DNAJC6: variants seen among roughly 807,000 people sequenced by gnomAD.
DNAJC6 encodes the protein auxilin.
Under a neutral mutation model 110.0 loss-of-function variants are expected in DNAJC6, and 34 were observed. The ratio of observed to expected loss-of-function variants is 0.31; its 90% confidence interval spans 0.24 to 0.41. DNAJC6 has a LOEUF of 0.41. Among genes scored for constraint, DNAJC6 ranks in the 10% least tolerant of loss-of-function variants. The pLI is 1.00. For missense variants in DNAJC6, 1,031 were observed against 1,207.8 expected (o/e 0.85, Z 2.17); for synonymous variants, 406 against 437.2 (o/e 0.93, Z 0.89).
intron 4 of DNAJC6, among the ~76,000 whole-genome samples, chr1:65,378,245 A>T (rs964441570): frequency 3.5e-5 from 5 of 143,322 alleles, no homozygotes; most frequent in African/African-American, 1.4e-4. Flanking sequence ...GGAGCCTGAA[A>T]GATCTTTGGA....
chr1:65,406,303 G>A (rs975270046), intron 16 of DNAJC6, among the ~76,000 whole-genome samples, 170 bp downstream of exon 16: 1 of 151,562 alleles, frequency 6.6e-6, no homozygotes, highest in Non-Finnish European at 1.5e-5. Context: ...CCCCAACGCT[G>A]TACCTGGAGG....
At chr1:65,347,550 TTATTG>T (rs1233273256) in intron 1 of DNAJC6, among the ~76,000 whole-genome samples, 1 of 152,118 alleles carries the variant, frequency 6.6e-6, no homozygotes, top group Non-Finnish European at 1.5e-5. Flanking sequence ...ATATATGATA[TTATTG>T]TGTAATGCAA....
intron 14 of DNAJC6, among the ~76,000 whole-genome samples, chr1:65,401,271 CT>C (rs1433904316): frequency 5.8e-4 from 88 of 152,202 alleles, no homozygotes; most frequent in African/African-American, 2.0e-3. Flanking sequence ...TGATTGTTAC[CT>C]TCCCTGAACA....
intron 1 of DNAJC6, among the ~76,000 whole-genome samples, chr1:65,270,922 G>A (rs536648873): frequency 2.0e-5 from 3 of 152,158 alleles, no homozygotes; most frequent in Admixed American, 6.5e-5. Flanking sequence ...CAAGTGATCC[G>A]CCACCTTTGG....
chr1:65,320,721 G>A (rs868285679), intron 1 of DNAJC6, among the ~76,000 whole-genome samples: 1 of 152,154 alleles, frequency 6.6e-6, no homozygotes, highest in African/African-American at 2.4e-5. Context: ...TAGTGCATGA[G>A]CAGTGAACAA....
chr1:65,283,696 G>A (rs1433966640), intron 1 of DNAJC6, among the ~76,000 whole-genome samples: 1 of 152,130 alleles, frequency 6.6e-6, no homozygotes, highest in South Asian at 2.1e-4. Flanking sequence ...GGATTGTATG[G>A]TAAGTCCATT....
At chr1:65,400,257 C>CTT (rs1557563361) in intron 14 of DNAJC6, among the ~76,000 whole-genome samples, 4 of 152,114 alleles carry the variant, frequency 2.6e-5, no homozygotes, top group Non-Finnish European at 4.4e-5. Flanking sequence ...TTGAAGTACA[C>CTT]ATACACTGTG....
chr1:65,405,049 T>A (rs1489275189), intron 15 of DNAJC6, among the ~76,000 whole-genome samples: 1 of 152,218 alleles, frequency 6.6e-6, no homozygotes, highest in African/African-American at 2.4e-5. Flanking sequence ...TCTTTGGACA[T>A]CAGCACATTT....
intron 1 of DNAJC6, among the ~76,000 whole-genome samples, chr1:65,270,292 G>GTA (rs906425315): frequency 2.4e-4 from 37 of 151,742 alleles, no homozygotes; most frequent in South Asian, 1.3e-3. Context: ...AAACGTATAT[G>GTA]TATATATATA....
chr1:65,283,473 T>C (rs1653916698), intron 1 of DNAJC6, among the ~76,000 whole-genome samples: 1 of 152,202 alleles, frequency 6.6e-6, no homozygotes, highest in African/African-American at 2.4e-5. Context: ...ATGTACAACA[T>C]GCACCAACAG....
intron 1 of DNAJC6, among the ~76,000 whole-genome samples, chr1:65,335,120 T>C (rs1557527421): frequency 6.6e-6 from 1 of 151,986 alleles, no homozygotes; most frequent in Admixed American, 6.5e-5. Context: ...TTTTTTTTTT[T>C]TTTCTTTAAA....
intron 4 of DNAJC6, among the ~76,000 whole-genome samples, chr1:65,378,461 T>G (rs578033900): frequency 1.2e-3 from 182 of 152,350 alleles, no homozygotes; most frequent in African/African-American, 4.1e-3. Flanking sequence ...AGCTAAGCTC[T>G]TGAAGTACAT....
intron 1 of DNAJC6, among the ~76,000 whole-genome samples, chr1:65,321,518 G>A (rs74351445): frequency 1.7e-4 from 26 of 152,148 alleles, no homozygotes; most frequent in African/African-American, 5.5e-4. Flanking sequence ...TTTTAAAGAC[G>A]ATTTTTTTTT....
intron 4 of DNAJC6, among the ~76,000 whole-genome samples, chr1:65,375,704 G>T (rs1357606922): frequency 6.6e-6 from 1 of 152,216 alleles, no homozygotes; most frequent in Non-Finnish European, 1.5e-5. Flanking sequence ...GGGATTACAG[G>T]CGTGAGCCAC....
At chr1:65,336,662 C>T (rs1376725484) in intron 1 of DNAJC6, among the ~76,000 whole-genome samples, 1 of 152,134 alleles carries the variant, frequency 6.6e-6, no homozygotes, top group African/African-American at 2.4e-5. Flanking sequence ...ATGCCTCTAA[C>T]ATGTAAGGGC....
Position 65,406,267 on chromosome 1 carries a change from T to C in DNAJC6, c.2491+134T>C, listed in dbSNP as rs1358947468. ...AGTAGTTTCTGAGGGAATCTTATAGTTGTAGAGATAAAACATGATTCCTAC... is the reference window on the plus strand; with the variant it reads ...AGTAGTTTCTGAGGGAATCTTATAGCTGTAGAGATAAAACATGATTCCTAC... On this transcript the variant is annotated intron_variant, in intron 16 of 18. Transcript: ENST00000371069. The C allele has an allele frequency of 4.7e-6, 6 of 1,284,190 alleles. No homozygotes were observed. The African/African-American group carries it at 6.0e-5, about 13-fold the overall frequency. The allele number at this position is 1,284,190 out of a possible 1,614,324, so 79.5% of individuals were successfully genotyped here. A position where few individuals can be genotyped will look rare whatever the true frequency, so the allele number is the denominator to read the frequency against.
intron 1 of DNAJC6, among the ~76,000 whole-genome samples, chr1:65,268,030 C>T (rs1653393182): frequency 6.6e-6 from 1 of 152,054 alleles, no homozygotes; most frequent in South Asian, 2.1e-4. Flanking sequence ...TGAAAAGGAC[C>T]ACAACAAAAC....
chr1:65,347,175 GA>G (rs1378119527), intron 1 of DNAJC6, among the ~76,000 whole-genome samples: 3 of 151,880 alleles, frequency 2.0e-5, no homozygotes, highest in Non-Finnish European at 4.4e-5. Flanking sequence ...TATGTATGTG[GA>G]CACACAACAC....
chr1:65,387,949 A>T (rs987855075), intron 8 of DNAJC6, among the ~76,000 whole-genome samples: 1 of 152,196 alleles, frequency 6.6e-6, no homozygotes, highest in Non-Finnish European at 1.5e-5. Context: ...GAGGTGTTAT[A>T]ATGGGAGCAG....
Sources: allele counts gnomAD v4.1 joint callset (sites outside exome capture counted in the v4.1 genomes callset), GRCh38; gene constraint gnomAD v4.1.1; transcripts MANE v1.5; gene names NCBI Gene and HGNC (gene_info 2026-07-23, HGNC 2026-07-21).